The following LTN1 variants were observed in gnomAD, a reference collection of about 807,000 sequenced individuals.
LTN1 encodes E3 ubiquitin-protein ligase listerin.
In LTN1, 88 loss-of-function variants were observed where a neutral mutation model predicts 201.2. The ratio of observed to expected loss-of-function variants is 0.44; its 90% CI spans 0.37 to 0.52. LTN1 has a LOEUF of 0.52. Ranked by LOEUF, LTN1 falls within the 20% of genes least tolerant of loss-of-function variation. LTN1 has a pLI of 0.00. For missense variants in LTN1, 1,752 were observed against 2,038.7 expected (o/e 0.86, Z 2.71); for synonymous variants, 645 against 713.5 (o/e 0.90, Z 1.53).
chr21:28,957,509 G>A lies in LTN1; in HGVS notation c.2748-33C>T, dbSNP rs2274801. 3.0e-3 allele frequency: 4,430 copies of A among 1,487,476 alleles called. 114 individuals are homozygous for A. In the East Asian group the frequency reaches 0.071, roughly 24 times the overall value. The allele number at this position is 1,487,476 out of a possible 1,614,324, so 92.1% of individuals were successfully genotyped here. On this transcript the variant is annotated intron_variant, in intron 14 of 29. Transcript: ENST00000361371. ...TAATGCAGAGAACTTAACTGTTGTA[G>A]TTACGCTATGACTAGTTTGAATACC...
chr21:28,984,645 A>G, intron 4 of LTN1, 47 bp downstream of exon 4: 1 of 1,427,300 alleles, frequency 7.0e-7, no homozygotes, highest in Non-Finnish European at 9.8e-7. Flanking sequence ...TATAACCCTT[A>G]AATACTTAAA....
At chr21:28,955,412 G>A (rs562805511) in intron 16 of LTN1, among the ~76,000 whole-genome samples, 2,108 of 74,148 alleles carry the variant, frequency 0.028, 22 homozygotes, top group Admixed American at 0.037. Context: ...AAACGATATG[G>A]AAGTATTTCA....
intron 9 of LTN1, 92 bp from the exon 10 acceptor site, chr21:28,967,271 A>G: frequency 7.9e-6 from 7 of 884,776 alleles, no homozygotes; most frequent in Non-Finnish European, 1.2e-5. Context: ...GAATCTCCAA[A>G]GTGATATCAT....
intron 27 of LTN1, among the ~76,000 whole-genome samples, chr21:28,932,904 G>A (rs1568830015): frequency 1.3e-5 from 2 of 152,110 alleles, no homozygotes; most frequent in Non-Finnish European, 2.9e-5. Context: ...CATAAAAAAG[G>A]TTTTATTATA....
Position 28,930,403 on chromosome 21 carries a change from C to A in LTN1, c.*45G>T. On this transcript the variant is annotated 3_prime_UTR_variant, in exon 30 of 30. Coordinates refer to ENST00000361371, the MANE Select transcript of LTN1 (RefSeq NM_015565.3). Reference sequence around the variant, plus strand: ...CTTTCAGACGGATCCAAATCCAATGCCTTTGTTTGATGTACTTCAGGGATC... The same window carrying A: ...CTTTCAGACGGATCCAAATCCAATGACTTTGTTTGATGTACTTCAGGGATC... 6.9e-7 allele frequency: 1 copy of A among 1,452,948 alleles called. No homozygotes were observed. The highest frequency in any genetic ancestry group is 9.6e-7 in the Non-Finnish European group (1 of 1,038,640). 90.0% of individuals were successfully genotyped at this position (1,452,948 alleles called of 1,614,324 possible). A position where few individuals can be genotyped will look rare whatever the true frequency, so the allele number is the denominator to read the frequency against.
intron 4 of LTN1, among the ~76,000 whole-genome samples, 168 bp from the exon 5 acceptor site, chr21:28,982,536 C>T (rs2084667388): frequency 6.6e-6 from 1 of 152,212 alleles, no homozygotes; most frequent in South Asian, 2.1e-4. Context: ...TACCAATTTT[C>T]CTTTTCCTAT....
Position 28,981,296 on chromosome 21 carries a change from A to G in LTN1, c.633T>C (p.Thr211=). 6.7e-7 allele frequency: 1 copy of G among 1,494,466 alleles called. No individual in the cohort carries two copies. Among genetic ancestry groups the G allele is most frequent in the Non-Finnish European group, 8.9e-7 (1 of 1,124,376 alleles). 92.6% of individuals were successfully genotyped at this position (1,494,466 alleles called of 1,614,324 possible). Residue 211 remains threonine, a synonymous_variant, in exon 6 of 30, where the codon ACT becomes ACC. Coordinates refer to ENST00000361371, the MANE Select transcript of LTN1 (RefSeq NM_015565.3). ...TAGCTTCTCTTTCTTCCTCTGGAAC[A>G]GTTCTTGATATAAAACAAAATAAAT... is the stretch of plus-strand genomic sequence containing the variant. ...ETPDTLSDPQ[T]VPEEEREAKF...
intron 28 of LTN1, among the ~76,000 whole-genome samples, chr21:28,931,771 G>T (rs1165187944): frequency 6.6e-6 from 1 of 152,210 alleles, no homozygotes; most frequent in Non-Finnish European, 1.5e-5. Context: ...GGAGGCTAAG[G>T]TGGGTAGATC....
chr21:28,956,568 T>C (rs570218685), intron 16 of LTN1, among the ~76,000 whole-genome samples, 194 bp downstream of exon 16: 1 of 152,318 alleles, frequency 6.6e-6, no homozygotes, highest in South Asian at 2.1e-4. Flanking sequence ...TATAGCAAGA[T>C]TCCAATATAT....
chr21:28,979,747 A>T (rs1246434602), intron 6 of LTN1, among the ~76,000 whole-genome samples: 2 of 152,112 alleles, frequency 1.3e-5, no homozygotes, highest in African/African-American at 4.8e-5. Flanking sequence ...AGGTGGGTGG[A>T]TCATCTGAGG....
At chr21:28,941,719 T>C (rs1445864807) in intron 24 of LTN1, among the ~76,000 whole-genome samples, 1 of 152,152 alleles carries the variant, frequency 6.6e-6, no homozygotes, top group African/African-American at 2.4e-5. Context: ...GGGGAAACTG[T>C]TAGGGATTCT....
At chr21:28,972,862 C>T (rs2084586112) in intron 6 of LTN1, among the ~76,000 whole-genome samples, 1 of 152,156 alleles carries the variant, frequency 6.6e-6, no homozygotes, top group African/African-American at 2.4e-5. Context: ...CACAAAGACA[C>T]ATTATGCAAC....
chr21:28,958,538 A>G lies in LTN1; in HGVS notation c.2595T>C (p.Asp865=). The part of the protein sequence containing the change: ...AQSKEKTHLP[D]FLICKLKNTW... ...TATTTTTCAGTTTACAGATAAGAAA[A>G]TCTAAAATCAAGATGTCAACAGGAA... The change falls in exon 14 of 30, where the codon GAT becomes GAC. Residue 865 remains aspartate (D), a splice_region_variant and synonymous_variant. Transcript: ENST00000361371. 1 of 1,589,968 alleles carries G rather than the reference A, an allele frequency of 6.3e-7. No individual in the cohort carries two copies. Among genetic ancestry groups the G allele is most frequent in the South Asian group, 1.1e-5 (1 of 87,008 alleles).
chr21:28,960,883 G>C (rs1171128372), intron 11 of LTN1, 177 bp from the exon 12 acceptor site: 1 of 469,408 alleles, frequency 2.1e-6, no homozygotes, highest in East Asian at 3.5e-5. Flanking sequence ...CATTAAGCCT[G>C]TATGATGTTC....
At chr21:28,972,105 T>C (rs570840455) in intron 6 of LTN1, among the ~76,000 whole-genome samples, 18 of 152,228 alleles carry the variant, frequency 1.2e-4, no homozygotes, top group African/African-American at 3.9e-4. Context: ...CCCTCATGAA[T>C]AGGATCAGAG....
chr21:28,938,942 A>T (rs1339725416), intron 25 of LTN1, among the ~76,000 whole-genome samples: 1 of 152,162 alleles, frequency 6.6e-6, no homozygotes, highest in Non-Finnish European at 1.5e-5. Flanking sequence ...TATCAATTAC[A>T]ATGGGATGTT....
Position 28,991,722 on chromosome 21 carries a change from C to A in LTN1, c.42+1042G>T, listed in dbSNP as rs902680920. 3.9e-5 allele frequency among the ~76,000 whole-genome samples: 6 copies of A among 152,176 alleles called. No individual in the cohort carries two copies. In the East Asian group the frequency reaches 9.6e-4, roughly 24 times the overall value. Reference sequence around the variant, plus strand: ...TAAAGTGCTTAGCACAGTAACACAACAGGTTGCTATAATTGTTAATACTGT... The same window carrying A: ...TAAAGTGCTTAGCACAGTAACACAAAAGGTTGCTATAATTGTTAATACTGT... On this transcript the variant is annotated intron_variant, in intron 1 of 29. Transcript: ENST00000361371.
At chr21:28,954,267 G>C (rs2084406920) in intron 16 of LTN1, among the ~76,000 whole-genome samples, 1 of 152,166 alleles carries the variant, frequency 6.6e-6, no homozygotes, top group Non-Finnish European at 1.5e-5. Flanking sequence ...CTGCCCAAAA[G>C]AGGTGTTTCA....
chr21:28,989,818 CA>C (rs1318425129), intron 1 of LTN1, among the ~76,000 whole-genome samples: 1 of 151,990 alleles, frequency 6.6e-6, no homozygotes, highest in Non-Finnish European at 1.5e-5. Flanking sequence ...AGTTTGAGAC[CA>C]GCCTAGCCAA....
Sources: allele counts gnomAD v4.1 joint callset (sites outside exome capture counted in the v4.1 genomes callset), GRCh38; gene constraint gnomAD v4.1.1; transcripts MANE v1.5; gene names NCBI Gene and HGNC (gene_info 2026-07-23, HGNC 2026-07-21).